The following SAMD5 variants were observed in gnomAD, a reference collection of about 807,000 sequenced individuals.
SAMD5 encodes the protein sterile alpha motif domain containing 5.
SAMD5 carries 13 observed loss-of-function variants against 11.3 expected under a neutral mutation model. That is an observed-to-expected ratio of 1.15 (90% CI 0.75 to 1.83). The LOEUF (loss-of-function observed/expected upper bound fraction) is 1.83. Among genes scored for constraint, SAMD5 ranks in the 40% most tolerant of loss-of-function variants. SAMD5 has a pLI of 0.00. For missense variants in SAMD5, 255 were observed against 239.1 expected (o/e 1.07, Z -0.44); for synonymous variants, 129 against 111.3 (o/e 1.16, Z -1.00).
At chr6:147,517,763 T>A (rs905746001) in intron 1 of SAMD5, among the ~76,000 whole-genome samples, 1 of 152,054 alleles carries the variant, frequency 6.6e-6, no homozygotes, top group Non-Finnish European at 1.5e-5. Context: ...ATAGATCTGG[T>A]TTGGGGTAAA....
At chr6:147,586,313 G>A (rs976154078) in intron 1 of SAMD5, among the ~76,000 whole-genome samples, 1 of 152,082 alleles carries the variant, frequency 6.6e-6, no homozygotes, top group Admixed American at 6.6e-5. Context: ...GAAAGCTCTG[G>A]AAACAGAAAT....
the SAMD5 span, among the ~76,000 whole-genome samples, chr6:147,772,740 A>G: frequency 6.6e-6 from 1 of 152,170 alleles, no homozygotes; most frequent in Non-Finnish European, 1.5e-5. Flanking sequence ...GATTGGATTA[A>G]GGCCCACTAT....
At chr6:147,663,960 G>A (rs17054216) in intron 1 of SAMD5, among the ~76,000 whole-genome samples, 6,814 of 144,726 alleles carry the variant, frequency 0.047, 177 homozygotes, top group African/African-American at 0.055. Flanking sequence ...GTAACAGAAC[G>A]TCACATTTTT....
At chr6:147,834,665 C>A in the SAMD5 span, among the ~76,000 whole-genome samples, 138 of 152,308 alleles carry the variant, frequency 9.1e-4, no homozygotes, top group African/African-American at 3.2e-3. Context: ...GTATTTATAG[C>A]AACCATTCTT....
At chr6:147,682,780 A>G (rs570480640) in intron 1 of SAMD5, among the ~76,000 whole-genome samples, 7 of 63,258 alleles carry the variant, frequency 1.1e-4, no homozygotes, top group Admixed American at 5.5e-4. Context: ...TTTGTAGGAT[A>G]TATTTTCTCA....
intron 1 of SAMD5, among the ~76,000 whole-genome samples, chr6:147,628,592 T>C (rs1203361038): frequency 1.3e-5 from 2 of 152,208 alleles, no homozygotes; most frequent in Non-Finnish European, 2.9e-5. Flanking sequence ...GATATTCTCA[T>C]AGAAAATAGA....
intron 1 of SAMD5, among the ~76,000 whole-genome samples, chr6:147,542,816 C>T (rs1247025277): frequency 1.3e-5 from 2 of 152,164 alleles, no homozygotes; most frequent in Non-Finnish European, 2.9e-5. Flanking sequence ...CAGAAGCAAT[C>T]TAGTCCCCAG....
chr6:147,778,120 T>G, the SAMD5 span, among the ~76,000 whole-genome samples: 1 of 152,214 alleles, frequency 6.6e-6, no homozygotes. Flanking sequence ...CTTCTGTACA[T>G]CCTAACAATT....
the SAMD5 span, among the ~76,000 whole-genome samples, chr6:147,816,686 T>G: frequency 7.9e-5 from 12 of 152,124 alleles, no homozygotes; most frequent in Admixed American, 2.6e-4. Flanking sequence ...TTTTTTCCTG[T>G]AATAAATTTT....
chr6:147,581,849 A>C (rs1789303384), intron 1 of SAMD5, among the ~76,000 whole-genome samples: 1 of 152,106 alleles, frequency 6.6e-6, no homozygotes, highest in African/African-American at 2.4e-5. Flanking sequence ...GGGCAGGAGG[A>C]TGAGAGGTGG....
At chr6:147,523,013 A>G (rs73002110) in intron 1 of SAMD5, among the ~76,000 whole-genome samples, 1,560 of 152,140 alleles carry the variant, frequency 0.01, 15 homozygotes, top group Non-Finnish European at 0.013. Context: ...TAGTTGAGGA[A>G]ATTCCTCCCA....
the SAMD5 span, among the ~76,000 whole-genome samples, chr6:147,849,796 G>A: frequency 3.3e-5 from 5 of 152,316 alleles, no homozygotes; most frequent in East Asian, 9.7e-4. Flanking sequence ...GACAGAACCT[G>A]GGCTGGAGGC....
At chr6:147,616,760 G>A (rs1050802418) in intron 1 of SAMD5, among the ~76,000 whole-genome samples, 2 of 152,154 alleles carry the variant, frequency 1.3e-5, no homozygotes, top group African/African-American at 4.8e-5. Context: ...AGAAGGTGAA[G>A]GAGAAGCAAG....
chr6:147,509,425 C>T (rs1218718687), intron 1 of SAMD5, 38 bp downstream of exon 1: 5 of 1,486,930 alleles, frequency 3.4e-6, no homozygotes, highest in Admixed American at 2.3e-5. Flanking sequence ...GGGCGCGCGG[C>T]GGGAGGGGAC....
At chr6:147,517,243 G>A (rs927806445) in intron 1 of SAMD5, among the ~76,000 whole-genome samples, 1 of 152,246 alleles carries the variant, frequency 6.6e-6, no homozygotes, top group Non-Finnish European at 1.5e-5. Context: ...TAGTGCTGGA[G>A]AGGTAGGACA....
At chr6:147,802,085 T>C in the SAMD5 span, among the ~76,000 whole-genome samples, 1 of 152,244 alleles carries the variant, frequency 6.6e-6, no homozygotes, top group African/African-American at 2.4e-5. Flanking sequence ...TTAAATGTCC[T>C]GTTCATTAGC....
the SAMD5 span, among the ~76,000 whole-genome samples, chr6:147,751,375 G>C: frequency 6.6e-6 from 1 of 152,076 alleles, no homozygotes; most frequent in Non-Finnish European, 1.5e-5. Context: ...GTAAGCAACG[G>C]AAGTGTAGGA....
At chr6:147,654,685 T>C (rs1344828975) in intron 1 of SAMD5, among the ~76,000 whole-genome samples, 2 of 152,026 alleles carry the variant, frequency 1.3e-5, no homozygotes, top group African/African-American at 4.8e-5. Flanking sequence ...AGCAGTGAGC[T>C]CCAGTGTACA....
At chr6:147,693,892 C>T (rs1791138964) in intron 1 of SAMD5, among the ~76,000 whole-genome samples, 1 of 152,100 alleles carries the variant, frequency 6.6e-6, no homozygotes, top group Non-Finnish European at 1.5e-5. Context: ...TCGCTTGAAC[C>T]TAGGAGGTGG....
Sources: gnomAD v4.1 joint callset for allele counts (sites outside exome capture counted in the v4.1 genomes callset) on GRCh38, gnomAD v4.1.1 for gene constraint, MANE v1.5 for transcripts, NCBI Gene and HGNC (gene_info 2026-07-23, HGNC 2026-07-21) for gene names.